PLEKHS1: variants seen among roughly 807,000 people sequenced by gnomAD.
PLEKHS1 encodes the protein pleckstrin homology domain containing S1, also known as pleckstrin homology domain-containing family S member 1.
In PLEKHS1, 55 loss-of-function variants were observed where a neutral mutation model predicts 51.0. The ratio of observed to expected loss-of-function variants is 1.08; its 90% CI spans 0.87 to 1.35. The LOEUF (loss-of-function observed/expected upper bound fraction) is 1.35. PLEKHS1 is among the 40% of genes most tolerant of loss of function. PLEKHS1 has a pLI of 0.00. For missense variants in PLEKHS1, 398 were observed against 423.0 expected, an observed-to-expected ratio of 0.94 and a Z score of 0.52; for synonymous variants, 153 against 144.8, an observed-to-expected ratio of 1.06 and a Z score of -0.41.
intron 2 of PLEKHS1, among the ~76,000 whole-genome samples, chr10:113,760,997 G>A (rs112350933): frequency 4.9e-4 from 74 of 152,168 alleles, no homozygotes; most frequent in African/African-American, 1.7e-3. Context: ...ATGACATAGG[G>A]GTCCAAATTC....
At chr10:113,782,483 C>T (rs1844891393), downstream of PLEKHS1, 1 of 152,162 alleles carries the variant, frequency 6.6e-6, no homozygotes, top group Non-Finnish European at 1.5e-5. Flanking sequence ...GCTGTGGTCC[C>T]CGGTGTTGGA....
intron 11 of PLEKHS1, chr10:113,777,221 G>T (rs1433770932): frequency 6.2e-7 from 1 of 1,612,734 alleles, no homozygotes; most frequent in Non-Finnish European, 8.5e-7. Flanking sequence ...GAGCCTGGAG[G>T]AGGTCTCCCT....
intron 9 of PLEKHS1, 147 bp downstream of exon 9, chr10:113,774,480 C>CA (rs1253089916): frequency 1.1e-5 from 7 of 609,282 alleles, no homozygotes; most frequent in African/African-American, 5.6e-5. Flanking sequence ...TCTCAACACA[C>CA]AAAAAATGAG....
intron 7 of PLEKHS1, among the ~76,000 whole-genome samples, chr10:113,770,872 T>C (rs919662627): frequency 2.6e-5 from 4 of 152,226 alleles, no homozygotes; most frequent in African/African-American, 9.6e-5. Flanking sequence ...TTAACAGTAC[T>C]GTTTGCCTTG....
intron 9 of PLEKHS1, 138 bp from the exon 10 acceptor site, chr10:113,774,688 G>A (rs1844565608): frequency 1.4e-6 from 1 of 730,394 alleles, no homozygotes; most frequent in Admixed American, 2.6e-5. Context: ...AGCTGTGGCT[G>A]TGATTCTGAT....
At chr10:113,776,575 C>A (rs1844675493) in intron 11 of PLEKHS1, among the ~76,000 whole-genome samples, 1 of 152,190 alleles carries the variant, frequency 6.6e-6, no homozygotes, top group South Asian at 2.1e-4. Context: ...AAACTGTGGA[C>A]TCCTCCATAA....
intron 2 of PLEKHS1, among the ~76,000 whole-genome samples, chr10:113,762,615 G>T (rs1455203367): frequency 1.3e-5 from 2 of 151,376 alleles, no homozygotes; most frequent in African/African-American, 4.8e-5. Flanking sequence ...ATTTATTTCA[G>T]GATCTTTTAA....
chr10:113,761,070 C>G (rs1383241062), intron 2 of PLEKHS1, among the ~76,000 whole-genome samples: 1 of 152,134 alleles, frequency 6.6e-6, no homozygotes, highest in Non-Finnish European at 1.5e-5. Context: ...TGTTCTCTCC[C>G]CATTGAATGG....
intron 5 of PLEKHS1, among the ~76,000 whole-genome samples, chr10:113,767,694 T>C (rs1460405680): frequency 1.3e-5 from 2 of 152,196 alleles, no homozygotes; most frequent in Admixed American, 6.5e-5. Context: ...CTGGATAACT[T>C]TGAACAACAG....
intron 8 of PLEKHS1, among the ~76,000 whole-genome samples, chr10:113,773,329 A>G (rs2134557235): frequency 6.6e-6 from 1 of 152,342 alleles, no homozygotes; most frequent in Admixed American, 6.5e-5. Context: ...CCAACCAATC[A>G]GATGTGTACT....
intron 2 of PLEKHS1, among the ~76,000 whole-genome samples, chr10:113,762,295 G>A (rs1288701300): frequency 1.4e-5 from 2 of 141,676 alleles, no homozygotes; most frequent in African/African-American, 5.2e-5. Flanking sequence ...TTGTTTTTCT[G>A]TGTTCTCTTT....
intron 2 of PLEKHS1, among the ~76,000 whole-genome samples, chr10:113,755,753 T>C (rs1403773217): frequency 2.0e-5 from 3 of 152,166 alleles, no homozygotes; most frequent in Admixed American, 2.0e-4. Flanking sequence ...CAATGATTCT[T>C]GGTTTGGAGA....
exon 8 of PLEKHS1, chr10:113,772,075 A>G (rs765295755): frequency 6.2e-7 from 1 of 1,612,492 alleles, no homozygotes; most frequent in Non-Finnish European, 8.5e-7. Flanking sequence ...TACTCCTCGA[A>G]GTGTTCTTTT....
chr10:113,775,665 A>G, intron 10 of PLEKHS1, 100 bp from the exon 11 acceptor site: 1 of 691,084 alleles, frequency 1.4e-6, no homozygotes, highest in South Asian at 2.2e-5. Flanking sequence ...TACCTGGACA[A>G]TGTCATCTCA....
At chr10:113,769,397 C>CT (rs1029722408) in intron 6 of PLEKHS1, among the ~76,000 whole-genome samples, 2 of 152,130 alleles carry the variant, frequency 1.3e-5, no homozygotes, top group South Asian at 2.1e-4. Flanking sequence ...CCCTAGGTAT[C>CT]TTTTTTTGAC....
intron 7 of PLEKHS1, 70 bp downstream of exon 7, chr10:113,769,970 T>A: frequency 4.5e-6 from 5 of 1,113,412 alleles, no homozygotes; most frequent in Non-Finnish European, 6.9e-6. Flanking sequence ...ATCTTACCAA[T>A]TAGCAATTGA....
chr10:113,764,162 G>A lies in PLEKHS1; in HGVS notation c.29-2249G>A, dbSNP rs554842047. Among the ~76,000 whole-genome samples the A allele has an allele frequency of 3.9e-5, 6 of 152,182 alleles. No individual in the cohort carries two copies. The East Asian group carries it at 5.8e-4, about 15-fold the overall frequency. ...ATCGCCCAGGCTGGAGTGCAGTGGC[G>A]CTATCTCGGCTCACTGCAACCTCTG... On this transcript the variant is annotated intron_variant, in intron 2 of 11. Coordinates refer to ENST00000361048, the Ensembl canonical transcript of PLEKHS1.
At chr10:113,761,135 C>T (rs1843907535) in intron 2 of PLEKHS1, among the ~76,000 whole-genome samples, 5 of 152,080 alleles carry the variant, frequency 3.3e-5, no homozygotes, top group African/African-American at 9.7e-5. Context: ...ATTCCATTGG[C>T]CTATGTGTCT....
chr10:113,759,817 G>A (rs2134483751), intron 2 of PLEKHS1, among the ~76,000 whole-genome samples: 1 of 152,268 alleles, frequency 6.6e-6, no homozygotes, highest in South Asian at 2.1e-4. Flanking sequence ...TATGGTTGGA[G>A]TATGCTTACT....
Sources: allele counts gnomAD v4.1 joint callset (sites outside exome capture counted in the v4.1 genomes callset), GRCh38; gene constraint gnomAD v4.1.1; transcripts MANE v1.5; gene names NCBI Gene and HGNC (gene_info 2026-07-23, HGNC 2026-07-21).